The following ARHGAP42 variants were observed in gnomAD, a reference collection of about 807,000 sequenced individuals.
ARHGAP42 encodes rho GTPase-activating protein 42.
ARHGAP42 carries 63 observed loss-of-function variants against 125.0 expected under a neutral mutation model. The observed-to-expected ratio is 0.50, with a 90% CI of 0.41 to 0.62. The LOEUF (loss-of-function observed/expected upper bound fraction) is 0.62. Ranked by LOEUF, ARHGAP42 falls within the 20% of genes least tolerant of loss-of-function variation. The pLI is 0.00. For missense variants in ARHGAP42, 766 were observed against 1,024.2 expected (o/e 0.75, Z 3.44); for synonymous variants, 339 against 351.0 (o/e 0.97, Z 0.38).
chr11:100,713,462 G>C (rs1325449738), intron 1 of ARHGAP42, among the ~76,000 whole-genome samples: 1 of 152,128 alleles, frequency 6.6e-6, no homozygotes, highest in African/African-American at 2.4e-5. Flanking sequence ...AGTTCTTAGC[G>C]CTCTCTGAGG....
At chr11:100,832,339 C>G (rs1421829082) in intron 3 of ARHGAP42, among the ~76,000 whole-genome samples, 1 of 152,210 alleles carries the variant, frequency 6.6e-6, no homozygotes, top group Non-Finnish European at 1.5e-5. Flanking sequence ...CAGAGACATG[C>G]AAAGAATCTG....
At chr11:100,860,813 G>C (rs1402675567) in intron 4 of ARHGAP42, among the ~76,000 whole-genome samples, 1 of 152,108 alleles carries the variant, frequency 6.6e-6, no homozygotes. Context: ...AATTTTATGT[G>C]CATTTCTCCA....
chr11:100,962,404 TG>T lies in ARHGAP42; in HGVS notation c.1386-4del, dbSNP rs1857979556. Reference sequence around the variant, plus strand: ...TCTAACATGTGTTTCCTTTCTCTGTTGTAGGTGCCTTGCAGAACCACTGATG... The same window carrying T: ...TCTAACATGTGTTTCCTTTCTCTGTTTAGGTGCCTTGCAGAACCACTGATG... On this transcript the variant is annotated splice_polypyrimidine_tract_variant and splice_region_variant and intron_variant, in intron 15 of 23. Transcript: ENST00000298815. 1 of 1,550,294 alleles carries T rather than the reference TG, an allele frequency of 6.5e-7. No individual in the cohort carries two copies. The highest frequency in any genetic ancestry group is 8.7e-7 in the Non-Finnish European group (1 of 1,145,972).
chr11:100,902,699 C>A (rs971569970), intron 4 of ARHGAP42, among the ~76,000 whole-genome samples: 1 of 152,024 alleles, frequency 6.6e-6, no homozygotes, highest in South Asian at 2.1e-4. Flanking sequence ...AGTGCAGACT[C>A]CTGCTGCAGT....
intron 6 of ARHGAP42, 59 bp from the exon 7 acceptor site, chr11:100,933,097 A>G: frequency 8.6e-7 from 1 of 1,169,506 alleles, no homozygotes; most frequent in East Asian, 2.6e-5. Flanking sequence ...CCTATTTTAT[A>G]TCATTAAATG....
chr11:100,794,947 A>G (rs979509796), intron 2 of ARHGAP42, among the ~76,000 whole-genome samples, 158 bp from the exon 3 acceptor site: 1 of 152,184 alleles, frequency 6.6e-6, no homozygotes, highest in Admixed American at 6.5e-5. Context: ...TGGTTATACA[A>G]ACATAAAATC....
chr11:100,828,017 T>C (rs1864565773), intron 3 of ARHGAP42, among the ~76,000 whole-genome samples: 1 of 152,162 alleles, frequency 6.6e-6, no homozygotes, highest in Non-Finnish European at 1.5e-5. Context: ...CACAGTCTCA[T>C]CCCTGAGAGC....
intron 3 of ARHGAP42, among the ~76,000 whole-genome samples, chr11:100,823,088 C>T (rs1293083880): frequency 1.3e-5 from 2 of 152,108 alleles, no homozygotes; most frequent in East Asian, 1.9e-4. Flanking sequence ...GATCTCCACC[C>T]TGTATTCTGC....
intron 4 of ARHGAP42, among the ~76,000 whole-genome samples, chr11:100,896,119 T>G (rs1866352489): frequency 6.6e-6 from 1 of 152,190 alleles, no homozygotes; most frequent in Non-Finnish European, 1.5e-5. Flanking sequence ...TGTGATAGTT[T>G]GCTCAGAATG....
At chr11:100,769,552 C>G (rs1346457525) in intron 1 of ARHGAP42, among the ~76,000 whole-genome samples, 1 of 152,040 alleles carries the variant, frequency 6.6e-6, no homozygotes. Flanking sequence ...TTGTAAACAG[C>G]CTTTCAGGTC....
intron 1 of ARHGAP42, among the ~76,000 whole-genome samples, chr11:100,739,607 A>G (rs1397610850): frequency 6.6e-6 from 1 of 152,212 alleles, no homozygotes; most frequent in Non-Finnish European, 1.5e-5. Flanking sequence ...TTAAAGAAAG[A>G]ATTTTAAAAT....
intron 22 of ARHGAP42, among the ~76,000 whole-genome samples, chr11:100,985,088 T>C (rs1332307225): frequency 6.6e-6 from 1 of 152,216 alleles, no homozygotes; most frequent in Admixed American, 6.5e-5. Flanking sequence ...ATAATTATTC[T>C]GTATGCTTTT....
At chr11:100,832,049 G>A (rs944895579) in intron 3 of ARHGAP42, among the ~76,000 whole-genome samples, 1 of 152,218 alleles carries the variant, frequency 6.6e-6, no homozygotes, top group Non-Finnish European at 1.5e-5. Flanking sequence ...TGCAGCACGT[G>A]TGTGCTGGAT....
chr11:100,938,782 C>A (rs1867802748), intron 8 of ARHGAP42, among the ~76,000 whole-genome samples: 2 of 152,156 alleles, frequency 1.3e-5, no homozygotes, highest in African/African-American at 2.4e-5. Context: ...TCCAAAGCCC[C>A]TTCTAACTTG....
At position 100,961,686 on chromosome 11, in the gene ARHGAP42, C is replaced by T. The variant is rs774534039; in HGVS notation, c.1303C>T (p.Pro435Ser). 16 of 1,551,040 alleles carry T rather than the reference C, an allele frequency of 1.0e-5. No individual in the cohort carries two copies. The highest frequency in any genetic ancestry group is 9.6e-6 in the Non-Finnish European group (11 of 1,146,652). The change falls in exon 15 of 24, where the codon CCT becomes TCT. Residue 435 changes from proline (P) to serine (S), a missense_variant and splice_region_variant. Physicochemically the swap from Pro to Ser is moderately conservative, Grantham distance 74. Transcript: ENST00000298815. ...ACACCTTGTTTTATTCTTTCCAGCTCCTAAATCCCCTCCTGATATTGATAT... is the reference window on the plus strand; with the variant it reads ...ACACCTTGTTTTATTCTTTCCAGCTTCTAAATCCCCTCCTGATATTGATAT... ...VQKLMNTTFSPKSPPDIDIDI... is the reference protein window; with the variant it reads ...VQKLMNTTFSSKSPPDIDIDI...
chr11:100,941,260 A>G (rs532783), intron 8 of ARHGAP42, among the ~76,000 whole-genome samples: 134,233 of 152,158 alleles, frequency 0.88, 59,300 homozygotes, highest in East Asian at 1. Flanking sequence ...TGTGAGATGG[A>G]GAAAAGAATG....
intron 4 of ARHGAP42, among the ~76,000 whole-genome samples, chr11:100,881,515 C>T (rs1269177561): frequency 2.0e-5 from 3 of 152,130 alleles, no homozygotes; most frequent in Non-Finnish European, 2.9e-5. Flanking sequence ...TTAATTGATG[C>T]CTCCAGATTT....
chr11:100,779,528 G>GTATATATACGTATATATATA (rs1565210609), intron 2 of ARHGAP42, among the ~76,000 whole-genome samples: 1 of 86,278 alleles, frequency 1.2e-5, no homozygotes. Flanking sequence ...ACGTATACAT[G>GTATATATACGTATATATATA]CGTATATATA....
chr11:100,861,528 G>C (rs1406229956), intron 4 of ARHGAP42, among the ~76,000 whole-genome samples: 1 of 152,202 alleles, frequency 6.6e-6, no homozygotes, highest in Non-Finnish European at 1.5e-5. Flanking sequence ...AGTGGCTTTA[G>C]ATAAGGAGGG....
Sources: allele counts gnomAD v4.1 joint callset (sites outside exome capture counted in the v4.1 genomes callset), GRCh38; gene constraint gnomAD v4.1.1; transcripts MANE v1.5; gene names NCBI Gene and HGNC (gene_info 2026-07-23, HGNC 2026-07-21).